LHFPL3: variants seen among roughly 807,000 people sequenced by gnomAD.
LHFPL3 encodes LHFPL tetraspan subfamily member 3 protein.
In LHFPL3, 5 loss-of-function variants were observed where a neutral mutation model predicts 19.3. The ratio of observed to expected loss-of-function variants is 0.26; its 90% confidence interval spans 0.14 to 0.54. The LOEUF (loss-of-function observed/expected upper bound fraction) is 0.54. Ranked by LOEUF, LHFPL3 falls within the 20% of genes least tolerant of loss-of-function variation. The pLI is 0.94. For synonymous variants in LHFPL3, 133 were observed against 126.2 expected, an observed-to-expected ratio of 1.05 and a Z score of -0.36; for missense variants, 249 against 307.4, an observed-to-expected ratio of 0.81 and a Z score of 1.42.
At chr7:104,718,255 G>A (rs142448885) in intron 1 of LHFPL3, among the ~76,000 whole-genome samples, 1,857 of 152,194 alleles carry the variant, frequency 0.012, 36 homozygotes, top group African/African-American at 0.042. Flanking sequence ...ATACTATATT[G>A]TGTGCTTGAA....
At chr7:104,462,509 C>T (rs1205030135) in intron 1 of LHFPL3, among the ~76,000 whole-genome samples, 1 of 152,082 alleles carries the variant, frequency 6.6e-6, no homozygotes, top group African/African-American at 2.4e-5. Context: ...TGAGATTTAT[C>T]TTTAGTTCTG....
At position 104,329,205 on chromosome 7, in the gene LHFPL3, C is replaced by T. The variant is rs755118600; in HGVS notation, c.426C>T (p.Ala142=). The T allele has an allele frequency of 1.9e-6, 3 of 1,608,430 alleles. No individual in the cohort carries two copies. Among genetic ancestry groups the T allele is most frequent in the South Asian group, 1.1e-5 (1 of 90,836 alleles). ...CGGCCACTGTGTACAAGATATGTGC[C>T]TGGATGCAGCTCACCTCCGGTGAGT... ...CNTATVYKIC[A]WMQLTSAACL... Residue 142 remains alanine, a synonymous_variant, in exon 1 of 3, where the codon GCC becomes GCT. Coordinates refer to ENST00000424859, the MANE Select transcript of LHFPL3 (RefSeq NM_199000.3).
chr7:104,367,132 T>A (rs1562876379), intron 1 of LHFPL3, among the ~76,000 whole-genome samples: 1 of 152,186 alleles, frequency 6.6e-6, no homozygotes, highest in Non-Finnish European at 1.5e-5. Context: ...GCTATGGAGT[T>A]TGTGGATTAA....
intron 1 of LHFPL3, among the ~76,000 whole-genome samples, chr7:104,675,917 C>A (rs1309651314): frequency 6.6e-6 from 1 of 152,108 alleles, no homozygotes; most frequent in East Asian, 1.9e-4. Flanking sequence ...GAGATGAGGG[C>A]AAAGGGCAGA....
chr7:104,535,082 C>T (rs1000740055), intron 1 of LHFPL3, among the ~76,000 whole-genome samples: 2 of 152,182 alleles, frequency 1.3e-5, no homozygotes, highest in Non-Finnish European at 2.9e-5. Flanking sequence ...TTTGGTCCTC[C>T]TAACCCATGT....
chr7:104,447,146 T>C (rs1401857359), intron 1 of LHFPL3, among the ~76,000 whole-genome samples: 7 of 152,186 alleles, frequency 4.6e-5, no homozygotes, highest in African/African-American at 1.7e-4. Flanking sequence ...ATACAATTCT[T>C]TTTCTAGCTT....
chr7:104,893,690 G>A (rs1315756718), intron 2 of LHFPL3, among the ~76,000 whole-genome samples: 2 of 151,784 alleles, frequency 1.3e-5, no homozygotes, highest in South Asian at 2.1e-4. Context: ...AGTGGCTCAC[G>A]CCTGTAATCC....
intron 1 of LHFPL3, among the ~76,000 whole-genome samples, chr7:104,461,734 C>A (rs1366798410): frequency 1.3e-5 from 2 of 151,984 alleles, no homozygotes; most frequent in African/African-American, 4.8e-5. Flanking sequence ...GTTATTTGGG[C>A]TCTTTTTTTG....
intron 1 of LHFPL3, among the ~76,000 whole-genome samples, chr7:104,387,889 C>T (rs945067748): frequency 6.6e-6 from 1 of 152,112 alleles, no homozygotes; most frequent in African/African-American, 2.4e-5. Flanking sequence ...TTTCATCACC[C>T]AGCTAATAAG....
At chr7:104,528,846 G>A (rs1189317955) in intron 1 of LHFPL3, among the ~76,000 whole-genome samples, 1 of 152,158 alleles carries the variant, frequency 6.6e-6, no homozygotes, top group East Asian at 1.9e-4. Flanking sequence ...GAAGATGTAT[G>A]GCTAAAGACT....
At chr7:104,490,957 G>C (rs1211291521) in intron 1 of LHFPL3, among the ~76,000 whole-genome samples, 1 of 152,026 alleles carries the variant, frequency 6.6e-6, no homozygotes, top group Non-Finnish European at 1.5e-5. Flanking sequence ...CTAAAACTAG[G>C]TGTGGGTGAG....
intron 1 of LHFPL3, among the ~76,000 whole-genome samples, chr7:104,500,581 A>G (rs1793581681): frequency 6.6e-6 from 1 of 152,128 alleles, no homozygotes; most frequent in South Asian, 2.1e-4. Flanking sequence ...CCTCTCTCCC[A>G]GTTACTCTTG....
chr7:104,650,371 G>A (rs573149331), intron 1 of LHFPL3, among the ~76,000 whole-genome samples: 10 of 152,270 alleles, frequency 6.6e-5, no homozygotes, highest in Admixed American at 3.9e-4. Flanking sequence ...CTTAGCAGAC[G>A]ACTCCCAGAC....
At chr7:104,794,388 T>C (rs978491624) in intron 2 of LHFPL3, among the ~76,000 whole-genome samples, 2 of 152,186 alleles carry the variant, frequency 1.3e-5, no homozygotes, top group Non-Finnish European at 2.9e-5. Context: ...AGAAAAGGCA[T>C]GAACTGAAAG....
rs77826212 is a variant in LHFPL3 at position 104,631,880 on chromosome 7, A to C, written c.446-104795A>C. Among the ~76,000 whole-genome samples the C allele has an allele frequency of 7.0e-3, 1,069 of 152,324 alleles. 11 individuals are homozygous for C. The highest frequency in any genetic ancestry group is 0.024 in the African/African-American group (996 of 41,582). ...TGGAAGATGATTTTAACTTATTAGCATCCTTGAGGGCAGGGAAGAAACCTT... is the reference window on the plus strand; with the variant it reads ...TGGAAGATGATTTTAACTTATTAGCCTCCTTGAGGGCAGGGAAGAAACCTT... On this transcript the variant is annotated intron_variant, in intron 1 of 2. Coordinates refer to ENST00000424859, the MANE Select transcript of LHFPL3 (RefSeq NM_199000.3).
chr7:104,836,065 G>A (rs919861363), intron 2 of LHFPL3, among the ~76,000 whole-genome samples: 1 of 150,804 alleles, frequency 6.6e-6, no homozygotes, highest in Admixed American at 6.6e-5. Context: ...TATGTTCAGG[G>A]AAGGCCTCCG....
rs1457000274 is a variant in LHFPL3 at position 104,597,590 on chromosome 7, C to G, written c.446-139085C>G. ...GGGGGGAGGGGAATGTGATTTCTTT[C>G]ATTGAAAGGAAGTATAATCCTTATT... On this transcript the variant is annotated intron_variant, in intron 1 of 2. Coordinates refer to ENST00000424859, the MANE Select transcript of LHFPL3 (RefSeq NM_199000.3). Among the ~76,000 whole-genome samples, 2 of 152,144 alleles carry G rather than the reference C, an allele frequency of 1.3e-5. 1 individual carries two copies. The highest frequency in any genetic ancestry group is 1.3e-4 in the Admixed American group (2 of 15,282).
chr7:104,419,707 T>C (rs1791689570), intron 1 of LHFPL3, among the ~76,000 whole-genome samples: 1 of 152,202 alleles, frequency 6.6e-6, no homozygotes, highest in Non-Finnish European at 1.5e-5. Flanking sequence ...AGACTTGGGA[T>C]TCTTCTGAGT....
chr7:104,355,936 T>C (rs73421559), intron 1 of LHFPL3, among the ~76,000 whole-genome samples: 17,383 of 152,250 alleles, frequency 0.11, 1,295 homozygotes, highest in African/African-American at 0.21. Context: ...AAATATATGA[T>C]ATAGAAAGAT....
Sources: gnomAD v4.1 joint callset for allele counts (sites outside exome capture counted in the v4.1 genomes callset) on GRCh38, gnomAD v4.1.1 for gene constraint, MANE v1.5 for transcripts, NCBI Gene and HGNC (gene_info 2026-07-23, HGNC 2026-07-21) for gene names.